CSTPP1: variants seen among roughly 807,000 people sequenced by gnomAD.
CSTPP1 encodes centriolar satellite-associated tubulin polyglutamylase complex regulator 1.
chr11:47,111,333 T>C, the CSTPP1 span, among the ~76,000 whole-genome samples: 1 of 152,168 alleles, frequency 6.6e-6, no homozygotes, highest in Admixed American at 6.5e-5. Flanking sequence ...TGGTTTTGCC[T>C]GAATCTCTTA....
At chr11:47,025,093 C>T in the CSTPP1 span, among the ~76,000 whole-genome samples, 1 of 152,012 alleles carries the variant, frequency 6.6e-6, no homozygotes, top group Non-Finnish European at 1.5e-5. Context: ...CTACAATGGA[C>T]TTGAACTTGG....
the CSTPP1 span, among the ~76,000 whole-genome samples, chr11:47,135,358 T>C: frequency 6.6e-6 from 1 of 152,142 alleles, no homozygotes; most frequent in Non-Finnish European, 1.5e-5. Context: ...CTTAGAGAGA[T>C]TAAGCAATTT....
the CSTPP1 span, among the ~76,000 whole-genome samples, chr11:46,983,496 A>G: frequency 5.9e-5 from 9 of 152,228 alleles, no homozygotes; most frequent in African/African-American, 1.7e-4. Flanking sequence ...AAGTCATGGC[A>G]AAGCCAAAGA....
chr11:47,025,313 G>A, the CSTPP1 span, among the ~76,000 whole-genome samples: 6 of 152,168 alleles, frequency 3.9e-5, no homozygotes, highest in African/African-American at 1.2e-4. Flanking sequence ...CGGTAGTAAA[G>A]TTATATAGGA....
At chr11:47,132,541 A>C in the CSTPP1 span, among the ~76,000 whole-genome samples, 1 of 152,320 alleles carries the variant, frequency 6.6e-6, no homozygotes, top group African/African-American at 2.4e-5. Flanking sequence ...TACACTTTTA[A>C]GACAAGGAAA....
the CSTPP1 span, among the ~76,000 whole-genome samples, chr11:46,952,780 ATACTC>A: frequency 1.3e-5 from 2 of 152,154 alleles, no homozygotes; most frequent in Admixed American, 6.5e-5. Context: ...GTTCCTCTCT[ATACTC>A]TAGTGAGTCG....
At chr11:47,005,117 C>T in the CSTPP1 span, among the ~76,000 whole-genome samples, 1 of 152,052 alleles carries the variant, frequency 6.6e-6, no homozygotes, top group Non-Finnish European at 1.5e-5. Flanking sequence ...TCCAAATTAC[C>T]CTGAACATCC....
the CSTPP1 span, among the ~76,000 whole-genome samples, chr11:47,090,477 C>T: frequency 1.3e-5 from 2 of 151,576 alleles, no homozygotes; most frequent in African/African-American, 4.9e-5. Context: ...GAAAAAAAAA[C>T]AGTTTTGACA....
chr11:47,112,090 GAATGCT>G, the CSTPP1 span, among the ~76,000 whole-genome samples: 1 of 151,976 alleles, frequency 6.6e-6, no homozygotes. Flanking sequence ...CCTCTGCCTG[GAATGCT>G]CTTCCCTCAG....
At chr11:46,990,912 C>T in the CSTPP1 span, among the ~76,000 whole-genome samples, 1 of 152,126 alleles carries the variant, frequency 6.6e-6, no homozygotes, top group Non-Finnish European at 1.5e-5. Flanking sequence ...TTGTTTTTGT[C>T]AGCCTTGTCA....
chr11:47,052,421 C>T, the CSTPP1 span: 5 of 1,613,914 alleles, frequency 3.1e-6, no homozygotes, highest in South Asian at 4.4e-5. Flanking sequence ...CACACATTCT[C>T]TTTCGAGAAT....
At chr11:46,993,660 T>C in the CSTPP1 span, among the ~76,000 whole-genome samples, 2 of 152,204 alleles carry the variant, frequency 1.3e-5, no homozygotes, top group Non-Finnish European at 2.9e-5. Flanking sequence ...ACCAGTACCA[T>C]GCTGTTTTGG....
chr11:47,076,974 A>G, the CSTPP1 span, among the ~76,000 whole-genome samples: 1 of 151,892 alleles, frequency 6.6e-6, no homozygotes, highest in African/African-American at 2.4e-5. Flanking sequence ...AAAAAAAAAA[A>G]AAAAGAAAAC....
the CSTPP1 span, among the ~76,000 whole-genome samples, chr11:47,084,067 A>G: frequency 2.0e-5 from 3 of 152,190 alleles, no homozygotes; most frequent in Non-Finnish European, 4.4e-5. Flanking sequence ...GCTTGTTAAC[A>G]TTTGGTATTG....
chr11:46,984,204 G>A, the CSTPP1 span, among the ~76,000 whole-genome samples: 1 of 152,168 alleles, frequency 6.6e-6, no homozygotes, highest in Non-Finnish European at 1.5e-5. Flanking sequence ...TGTTAATGGT[G>A]AGGCAACGTG....
At chr11:47,007,059 G>A in the CSTPP1 span, among the ~76,000 whole-genome samples, 1 of 135,074 alleles carries the variant, frequency 7.4e-6, no homozygotes, top group Non-Finnish European at 1.5e-5. Flanking sequence ...AGGCTGGAGT[G>A]CAGTAGCACT....
At chr11:47,071,809 C>G in the CSTPP1 span, among the ~76,000 whole-genome samples, 112 of 152,344 alleles carry the variant, frequency 7.4e-4, no homozygotes, top group Non-Finnish European at 1.5e-3. Context: ...GACAGCTGCT[C>G]TCTTTCTGCT....
the CSTPP1 span, among the ~76,000 whole-genome samples, chr11:47,113,282 A>C: frequency 2.3e-3 from 346 of 152,322 alleles, 1 homozygote; most frequent in Non-Finnish European, 3.4e-3. Context: ...GCTATTGTGA[A>C]TAGTGCCACA....
chr11:47,074,867 T>C, the CSTPP1 span, among the ~76,000 whole-genome samples: 1 of 152,222 alleles, frequency 6.6e-6, no homozygotes, highest in African/African-American at 2.4e-5. Flanking sequence ...CATTCATCGA[T>C]TCGTTTATTC....
Sources: gnomAD v4.1 joint callset for allele counts (sites outside exome capture counted in the v4.1 genomes callset) on GRCh38, gnomAD v4.1.1 for gene constraint, MANE v1.5 for transcripts, NCBI Gene and HGNC (gene_info 2026-07-23, HGNC 2026-07-21) for gene names.